Variants in MYO3B observed in about 807,000 individuals in gnomAD.
MYO3B encodes myosin-IIIb.
A neutral mutation model predicts 174.6 loss-of-function variants in MYO3B; 156 were observed. The observed-to-expected ratio is 0.89, with a 90% CI of 0.78 to 1.02. The LOEUF is 1.02. Among genes scored for constraint, MYO3B ranks in the 50% least tolerant of loss-of-function variants. The pLI is 0.00. For synonymous variants in MYO3B, 563 were observed against 569.1 expected, an observed-to-expected ratio of 0.99 and a Z score of 0.15; for missense variants, 1,632 against 1,639.4, an observed-to-expected ratio of 1.00 and a Z score of 0.08.
rs185995202 is a variant in MYO3B, at chr2:170,583,651, A to T, written c.3733+39663A>T. Among the ~76,000 whole-genome samples the T allele has an allele frequency of 2.7e-3, 406 of 152,320 alleles. 4 individuals are homozygous for T. Among genetic ancestry groups the T allele is most frequent in the Admixed American group, 0.02 (312 of 15,306 alleles). On this transcript the variant is annotated intron_variant, in intron 32 of 34. Transcript: ENST00000408978. Reference sequence around the variant, plus strand: ...TTGAGCACTTTATTCTGTGCATGGAACTGGGTTAAGTGTTTTTCACACAAT... The same window carrying T: ...TTGAGCACTTTATTCTGTGCATGGATCTGGGTTAAGTGTTTTTCACACAAT...
intron 7 of MYO3B, among the ~76,000 whole-genome samples, chr2:170,285,865 CT>C (rs764113198): frequency 3.4e-5 from 5 of 148,456 alleles, no homozygotes; most frequent in Non-Finnish European, 5.9e-5. Flanking sequence ...TTTAATTCAT[CT>C]GGAATTTTAG....
chr2:170,614,811 C>T (rs1272037860), intron 32 of MYO3B, among the ~76,000 whole-genome samples: 1 of 152,180 alleles, frequency 6.6e-6, no homozygotes, highest in Non-Finnish European at 1.5e-5. Context: ...CCTATCTCTT[C>T]TGTCTTTAGA....
At chr2:170,235,672 G>A (rs759323361) in intron 6 of MYO3B, among the ~76,000 whole-genome samples, 1 of 152,162 alleles carries the variant, frequency 6.6e-6, no homozygotes, top group Non-Finnish European at 1.5e-5. Context: ...TGTAGACAAA[G>A]CCTTTCCTTA....
intron 30 of MYO3B, among the ~76,000 whole-genome samples, chr2:170,526,493 C>T (rs1163976998): frequency 3.3e-5 from 5 of 152,170 alleles, no homozygotes; most frequent in Non-Finnish European, 5.9e-5. Context: ...TCACTCTCTG[C>T]TTTAACTTTA....
intron 5 of MYO3B, among the ~76,000 whole-genome samples, chr2:170,216,767 A>G (rs1415827466): frequency 6.6e-6 from 1 of 152,212 alleles, no homozygotes; most frequent in Non-Finnish European, 1.5e-5. Context: ...GAAGCCCCTT[A>G]TTAAGAAAGA....
chr2:170,487,169 C>T (rs1469273443), intron 25 of MYO3B, among the ~76,000 whole-genome samples: 1 of 152,184 alleles, frequency 6.6e-6, no homozygotes, highest in East Asian at 1.9e-4. Flanking sequence ...TTTTAAGCTC[C>T]ACGTTCCCAG....
At chr2:170,416,749 C>G (rs2094581882) in intron 22 of MYO3B, among the ~76,000 whole-genome samples, 1 of 149,950 alleles carries the variant, frequency 6.7e-6, no homozygotes, top group African/African-American at 2.5e-5. Flanking sequence ...TATTCCAAGC[C>G]TTTTCCTGAC....
rs187383582 is a variant in MYO3B, at chr2:170,579,413, G to A, written c.3733+35425G>A. On this transcript the variant is annotated intron_variant, in intron 32 of 34. Transcript: ENST00000408978. The stretch of plus-strand genomic sequence containing the variant: ...TAGGTTTTAACATTTTACCGTATTT[G>A]CTTCAAGTCTTGTTAAATTGAAATT... 9.3e-4 allele frequency among the ~76,000 whole-genome samples: 142 copies of A among 152,188 alleles called. 1 individual carries two copies. Among genetic ancestry groups the A allele is most frequent in the African/African-American group, 3.1e-3 (127 of 41,540 alleles).
At chr2:170,287,971 A>G (rs1462300358) in intron 7 of MYO3B, among the ~76,000 whole-genome samples, 1 of 152,040 alleles carries the variant, frequency 6.6e-6, no homozygotes, top group Non-Finnish European at 1.5e-5. Flanking sequence ...GCACCATTTG[A>G]AAAGACCGTC....
chr2:170,498,481 C>G (rs534086081), intron 25 of MYO3B, 111 bp from the exon 26 acceptor site: 1 of 705,312 alleles, frequency 1.4e-6, no homozygotes, highest in African/African-American at 1.8e-5. Flanking sequence ...TATTGGTGCT[C>G]GACAAATATT....
At chr2:170,329,169 C>G (rs1170212745) in intron 7 of MYO3B, among the ~76,000 whole-genome samples, 1 of 151,132 alleles carries the variant, frequency 6.6e-6, no homozygotes, top group Non-Finnish European at 1.5e-5. Flanking sequence ...AAAAATACTA[C>G]TACTACTAAT....
At chr2:170,229,247 T>C (rs979991889) in intron 6 of MYO3B, among the ~76,000 whole-genome samples, 1 of 152,236 alleles carries the variant, frequency 6.6e-6, no homozygotes, top group Non-Finnish European at 1.5e-5. Context: ...TTTGCCTTCC[T>C]ACCTCTCAGC....
intron 29 of MYO3B, among the ~76,000 whole-genome samples, chr2:170,518,595 G>A (rs533600035): frequency 6.6e-6 from 1 of 152,292 alleles, no homozygotes; most frequent in East Asian, 1.9e-4. Context: ...TGTTTCTAAT[G>A]TACAGCCAGG....
chr2:170,401,802 C>CTTTTT (rs769531863), intron 18 of MYO3B, 111 bp downstream of exon 18: 92,261 of 664,818 alleles, frequency 0.14, 4,073 homozygotes, highest in Admixed American at 0.16. Flanking sequence ...CTTTCTTTTT[C>CTTTTT]TTTTTTTTTT....
chr2:170,619,696 A>T (rs1474437228), intron 32 of MYO3B, among the ~76,000 whole-genome samples: 2 of 145,728 alleles, frequency 1.4e-5, no homozygotes, highest in African/African-American at 5.1e-5. Flanking sequence ...TCTTTTTCAA[A>T]CCTCATCTCT....
intron 7 of MYO3B, 43 bp from the exon 8 acceptor site, chr2:170,335,342 G>A (rs755358182): frequency 6.8e-7 from 1 of 1,466,618 alleles, no homozygotes; most frequent in African/African-American, 1.4e-5. Context: ...TGCCTTTAAT[G>A]AAATTCTTCT....
intron 1 of MYO3B, among the ~76,000 whole-genome samples, chr2:170,198,228 T>C (rs2092622131): frequency 6.6e-6 from 1 of 152,144 alleles, no homozygotes; most frequent in South Asian, 2.1e-4. Flanking sequence ...TACACTATTC[T>C]TCATTTTCCC....
chr2:170,489,532 A>G (rs1289218917), intron 25 of MYO3B, among the ~76,000 whole-genome samples: 1 of 152,096 alleles, frequency 6.6e-6, no homozygotes, highest in Non-Finnish European at 1.5e-5. Context: ...ACTTATCTCT[A>G]CCTTTAGCAA....
intron 32 of MYO3B, among the ~76,000 whole-genome samples, chr2:170,551,165 G>T (rs1690854172): frequency 6.6e-6 from 1 of 151,610 alleles, no homozygotes; most frequent in Non-Finnish European, 1.5e-5. Context: ...CTCTCAGAAT[G>T]CTGGGATTAC....
Sources: allele counts gnomAD v4.1 joint callset (sites outside exome capture counted in the v4.1 genomes callset), GRCh38; gene constraint gnomAD v4.1.1; transcripts MANE v1.5; gene names NCBI Gene and HGNC (gene_info 2026-07-23, HGNC 2026-07-21).